The following DNAJC11 variants were observed in gnomAD, a reference collection of about 807,000 sequenced individuals.
DNAJC11 encodes the protein DnaJ heat shock protein family (Hsp40) member C11, also known as dnaJ homolog subfamily C member 11.
DNAJC11 carries 15 observed loss-of-function variants against 78.6 expected under a neutral mutation model. The observed-to-expected ratio is 0.19, with a 90% CI of 0.13 to 0.29. The LOEUF (loss-of-function observed/expected upper bound fraction) is 0.29. Ranked by LOEUF, DNAJC11 falls within the 10% of genes least tolerant of loss-of-function variation. DNAJC11 has a pLI of 1.00. For synonymous variants in DNAJC11, 292 were observed against 272.1 expected, an observed-to-expected ratio of 1.07 and a Z score of -0.72; for missense variants, 547 against 709.6, an observed-to-expected ratio of 0.77 and a Z score of 2.60.
chr1:6,669,917 A>C (rs1269719296), intron 3 of DNAJC11, among the ~76,000 whole-genome samples: 1 of 152,122 alleles, frequency 6.6e-6, no homozygotes, highest in African/African-American at 2.4e-5. Flanking sequence ...GTGTGATGTG[A>C]GAAAAAGTTT....
At chr1:6,663,872 A>AT (rs1557477581) in intron 4 of DNAJC11, among the ~76,000 whole-genome samples, 1 of 152,194 alleles carries the variant, frequency 6.6e-6, no homozygotes, top group African/African-American at 2.4e-5. Flanking sequence ...CTCCCATTTC[A>AT]TGGAGGCAGA....
At chr1:6,657,867 G>A (rs111805328) in intron 4 of DNAJC11, among the ~76,000 whole-genome samples, 1,925 of 152,276 alleles carry the variant, frequency 0.013, 22 homozygotes, top group South Asian at 0.027. Context: ...GGATGGTCTC[G>A]ATCTCCTGAC....
intron 15 of DNAJC11, 131 bp downstream of exon 15, chr1:6,635,986 G>T: frequency 7.6e-7 from 1 of 1,313,944 alleles, no homozygotes; most frequent in Non-Finnish European, 1.0e-6. Context: ...TGGGTCAAGG[G>T]CTAGTTGGCG....
intron 7 of DNAJC11, among the ~76,000 whole-genome samples, chr1:6,648,007 A>G (rs538769373): frequency 1.3e-5 from 2 of 152,174 alleles, no homozygotes; most frequent in Non-Finnish European, 2.9e-5. Flanking sequence ...TGACCACTCA[A>G]TGAATAGACA....
chr1:6,635,009 C>G lies in DNAJC11; in HGVS notation c.*666G>C, dbSNP rs1042079138. 1.5e-5 allele frequency: 8 copies of G among 533,464 alleles called. No individual in the cohort carries two copies. Among genetic ancestry groups the G allele is most frequent in the Non-Finnish European group, 1.9e-5 (7 of 359,448 alleles). 33.0% of individuals were successfully genotyped at this position (533,464 alleles called of 1,614,324 possible). ...AAGCCACCTGTGTCAGGGCTAGGCC[C>G]TGGGATCGGGAGTTACACTACCCTG... On this transcript the variant is annotated 3_prime_UTR_variant, in exon 16 of 16. Coordinates refer to ENST00000377577, the MANE Select transcript of DNAJC11 (RefSeq NM_018198.4).
At chr1:6,661,677 T>C (rs1642214615) in intron 4 of DNAJC11, among the ~76,000 whole-genome samples, 1 of 152,160 alleles carries the variant, frequency 6.6e-6, no homozygotes, top group South Asian at 2.1e-4. Context: ...TGCCCCTTCC[T>C]GCCACTACGC....
chr1:6,675,600 G>A (rs1240087161), intron 3 of DNAJC11, among the ~76,000 whole-genome samples: 3 of 151,966 alleles, frequency 2.0e-5, no homozygotes, highest in East Asian at 1.9e-4. Context: ...ATTTTTTATC[G>A]CTTGTAGAGA....
intron 2 of DNAJC11, 99 bp from the exon 3 acceptor site, chr1:6,678,566 C>T: frequency 1.1e-6 from 1 of 928,176 alleles, no homozygotes; most frequent in South Asian, 1.6e-5. Context: ...CTCCTGTTCT[C>T]CCTGTCTGAT....
At chr1:6,688,714 T>C (rs938822023) in intron 1 of DNAJC11, among the ~76,000 whole-genome samples, 2 of 152,190 alleles carry the variant, frequency 1.3e-5, no homozygotes, top group African/African-American at 2.4e-5. Flanking sequence ...CTGATCTGCT[T>C]TGGGTGTCCA....
intron 3 of DNAJC11, among the ~76,000 whole-genome samples, chr1:6,671,311 C>T (rs1642376101): frequency 1.3e-5 from 2 of 152,188 alleles, no homozygotes; most frequent in East Asian, 3.9e-4. Context: ...GGTGCGATCT[C>T]GGCTCACTGC....
chr1:6,646,338 G>A (rs1641965475), intron 7 of DNAJC11, among the ~76,000 whole-genome samples: 1 of 152,200 alleles, frequency 6.6e-6, no homozygotes, highest in South Asian at 2.1e-4. Flanking sequence ...ATATTAAGCA[G>A]TCCAAGACAG....
At chr1:6,650,957 G>A in intron 7 of DNAJC11, 1 of 453,470 alleles carries the variant, frequency 2.2e-6, no homozygotes, top group Non-Finnish European at 4.6e-6. Context: ...GAAGAAAGAG[G>A]TATTATTTAC....
chr1:6,697,916 T>A (rs1260127770), intron 1 of DNAJC11, among the ~76,000 whole-genome samples: 3 of 151,988 alleles, frequency 2.0e-5, no homozygotes, highest in Non-Finnish European at 4.4e-5. Flanking sequence ...ACCATTCTCC[T>A]GCCTCAGCCT....
In DNAJC11 at chr1:6,634,662, C is replaced by T. The variant is rs766599441; in HGVS notation, c.*1013G>A. On this transcript the variant is annotated 3_prime_UTR_variant, in exon 16 of 16. Transcript: ENST00000377577. Reference sequence around the variant, plus strand: ...CCAGGCCGTGGAGGGGGTCCTAGCTCCGCTGCATTCTGCATCCCAAGTGGG... The same window carrying T: ...CCAGGCCGTGGAGGGGGTCCTAGCTTCGCTGCATTCTGCATCCCAAGTGGG... 5.1e-6 allele frequency: 7 copies of T among 1,366,440 alleles called. No individual in the cohort carries two copies. In the South Asian group the frequency reaches 6.8e-5, roughly 13 times the overall value. 84.6% of individuals were successfully genotyped at this position (1,366,440 alleles called of 1,614,324 possible).
In DNAJC11 at chr1:6,646,633, G is replaced by A. The variant is rs189720702; in HGVS notation, c.705-655C>T. Among the ~76,000 whole-genome samples, 20 of 152,296 alleles carry A rather than the reference G, an allele frequency of 1.3e-4. No individual in the cohort carries two copies. In the East Asian group the frequency reaches 3.5e-3, roughly 26 times the overall value. On this transcript the variant is annotated intron_variant, in intron 7 of 15. Coordinates refer to ENST00000377577, the MANE Select transcript of DNAJC11 (RefSeq NM_018198.4). ...TAGTGACAGAAACTACAGGCAAAGCGAGCACAGGAAACCGGTTCCCGAAAA... is the reference window on the plus strand; with the variant it reads ...TAGTGACAGAAACTACAGGCAAAGCAAGCACAGGAAACCGGTTCCCGAAAA...
intron 1 of DNAJC11, among the ~76,000 whole-genome samples, chr1:6,690,505 C>A (rs1396564576): frequency 6.6e-6 from 1 of 152,222 alleles, no homozygotes; most frequent in African/African-American, 2.4e-5. Context: ...TGCTCTCTAT[C>A]TTCACAATGA....
At chr1:6,682,975 T>C (rs1392267617) in intron 1 of DNAJC11, among the ~76,000 whole-genome samples, 1 of 152,140 alleles carries the variant, frequency 6.6e-6, no homozygotes, top group Non-Finnish European at 1.5e-5. Context: ...CACAGAGAGC[T>C]TCCCGCTGGT....
intron 4 of DNAJC11, among the ~76,000 whole-genome samples, chr1:6,666,446 G>A (rs1642296559): frequency 6.7e-6 from 1 of 149,104 alleles, no homozygotes; most frequent in Non-Finnish European, 1.5e-5. Flanking sequence ...GAATGCAGTG[G>A]CATGATCTTG....
At chr1:6,694,551 G>A (rs984484777) in intron 1 of DNAJC11, among the ~76,000 whole-genome samples, 1 of 152,028 alleles carries the variant, frequency 6.6e-6, no homozygotes, top group Non-Finnish European at 1.5e-5. Context: ...CTTTGTATGC[G>A]CCTCACTCTT....
Sources: allele counts gnomAD v4.1 joint callset (sites outside exome capture counted in the v4.1 genomes callset), GRCh38; gene constraint gnomAD v4.1.1; transcripts MANE v1.5; gene names NCBI Gene and HGNC (gene_info 2026-07-23, HGNC 2026-07-21).